The following DNAJC1 variants were observed in gnomAD, a reference collection of about 807,000 sequenced individuals.
DNAJC1 encodes the protein DnaJ heat shock protein family (Hsp40) member C1.
Under a neutral mutation model 76.6 loss-of-function variants are expected in DNAJC1, and 58 were observed. The observed-to-expected ratio is 0.76, with a 90% CI of 0.61 to 0.94. DNAJC1 has a LOEUF of 0.94. DNAJC1 is among the 40% of genes least tolerant of loss of function. The pLI is 0.00. For synonymous variants in DNAJC1, 258 were observed against 267.9 expected (o/e 0.96, Z 0.36); for missense variants, 689 against 677.3 (o/e 1.02, Z -0.19).
intron 8 of DNAJC1, among the ~76,000 whole-genome samples, chr10:21,818,228 C>T (rs996416559): frequency 2.0e-5 from 3 of 152,240 alleles, no homozygotes; most frequent in Admixed American, 6.5e-5. Flanking sequence ...TTAGGTGCAG[C>T]TGTCTTTTAT....
intron 8 of DNAJC1, among the ~76,000 whole-genome samples, chr10:21,808,976 T>C (rs902670861): frequency 7.2e-5 from 11 of 152,206 alleles, no homozygotes; most frequent in African/African-American, 2.7e-4. Flanking sequence ...TTATTAAATA[T>C]TGTAATGTAA....
chr10:21,761,649 C>T (rs1470336263), intron 10 of DNAJC1, among the ~76,000 whole-genome samples: 1 of 151,926 alleles, frequency 6.6e-6, no homozygotes, highest in Non-Finnish European at 1.5e-5. Flanking sequence ...CTGGTCTGCT[C>T]TGTAAGAGGC....
chr10:21,769,165 C>T (rs1025930425), intron 9 of DNAJC1, among the ~76,000 whole-genome samples: 8 of 152,172 alleles, frequency 5.3e-5, no homozygotes, highest in South Asian at 2.1e-4. Context: ...GGTATCTCAT[C>T]CCAGCTATTC....
At chr10:21,975,151 T>C (rs990426929) in intron 1 of DNAJC1, among the ~76,000 whole-genome samples, 2 of 152,116 alleles carry the variant, frequency 1.3e-5, no homozygotes, top group Admixed American at 1.3e-4. Context: ...AAGAGCTATT[T>C]AAATGTTACT....
chr10:21,832,336 T>C (rs1222937919), intron 8 of DNAJC1, among the ~76,000 whole-genome samples: 1 of 152,208 alleles, frequency 6.6e-6, no homozygotes, highest in Non-Finnish European at 1.5e-5. Context: ...GTTTTAGCCA[T>C]CAAATGTATG....
intron 8 of DNAJC1, among the ~76,000 whole-genome samples, chr10:21,837,996 GCTGGGAGGT>G (rs1180320477): frequency 1.7e-5 from 2 of 117,300 alleles, no homozygotes; most frequent in African/African-American, 6.6e-5. Flanking sequence ...AGCCGCCCCG[GCTGGGAGGT>G]GGGGGGCGTC....
At chr10:21,956,547 A>G (rs933297109) in intron 1 of DNAJC1, among the ~76,000 whole-genome samples, 1 of 151,230 alleles carries the variant, frequency 6.6e-6, no homozygotes, top group Non-Finnish European at 1.5e-5. Context: ...ACACATAAAT[A>G]CACATACATA....
chr10:21,759,753 T>A, intron 10 of DNAJC1, 135 bp from the exon 11 acceptor site: 1 of 721,534 alleles, frequency 1.4e-6, no homozygotes, highest in Non-Finnish European at 2.3e-6. Context: ...ATTTCCACAC[T>A]ACTCTATTCT....
chr10:21,918,416 T>C (rs1271409136), intron 6 of DNAJC1, among the ~76,000 whole-genome samples: 3 of 150,554 alleles, frequency 2.0e-5, no homozygotes, highest in African/African-American at 7.3e-5. Flanking sequence ...TTAAATGCTA[T>C]TAAAATAATG....
At chr10:22,002,181 A>C (rs1468256263) in intron 1 of DNAJC1, among the ~76,000 whole-genome samples, 1 of 152,234 alleles carries the variant, frequency 6.6e-6, no homozygotes, top group Non-Finnish European at 1.5e-5. Flanking sequence ...TTTCATATCT[A>C]GTCATGTGAA....
intron 1 of DNAJC1, among the ~76,000 whole-genome samples, chr10:21,959,160 G>A (rs1332964784): frequency 6.6e-6 from 1 of 151,810 alleles, no homozygotes; most frequent in Non-Finnish European, 1.5e-5. Context: ...AGTCTCGCTC[G>A]GTTACCTAGG....
chr10:21,885,519 C>A (rs1004378412), intron 7 of DNAJC1, among the ~76,000 whole-genome samples: 1 of 152,116 alleles, frequency 6.6e-6, no homozygotes, highest in Admixed American at 6.5e-5. Flanking sequence ...CTTTCTACCC[C>A]CAAACAACAG....
chr10:21,878,476 G>T (rs74120996), intron 8 of DNAJC1, among the ~76,000 whole-genome samples: 76 of 152,170 alleles, frequency 5.0e-4, no homozygotes, highest in African/African-American at 1.8e-3. Flanking sequence ...TCTGCAAATG[G>T]TGCCATGTAC....
chr10:22,003,164 C>A, intron 1 of DNAJC1, 49 bp downstream of exon 1: 1 of 1,441,292 alleles, frequency 6.9e-7, no homozygotes, highest in Non-Finnish European at 9.2e-7. Flanking sequence ...GGTCGCCTGA[C>A]GCCTGCCCTG....
chr10:21,997,920 G>C (rs1838445451), intron 1 of DNAJC1, among the ~76,000 whole-genome samples: 1 of 152,070 alleles, frequency 6.6e-6, no homozygotes, highest in Non-Finnish European at 1.5e-5. Flanking sequence ...TGACTGACTG[G>C]CACCATGAAG....
At chr10:21,777,414 G>A (rs1834466067) in intron 9 of DNAJC1, among the ~76,000 whole-genome samples, 1 of 152,178 alleles carries the variant, frequency 6.6e-6, no homozygotes, top group Admixed American at 6.5e-5. Flanking sequence ...TTCCATTAGA[G>A]CATAATGAGT....
At chr10:21,908,552 AC>A (rs1475540874) in intron 6 of DNAJC1, among the ~76,000 whole-genome samples, 1 of 150,774 alleles carries the variant, frequency 6.6e-6, no homozygotes, top group African/African-American at 2.4e-5. Context: ...AAAAATAAGC[AC>A]AAAAACTTAT....
At chr10:21,951,741 A>G (rs1415985847) in intron 1 of DNAJC1, among the ~76,000 whole-genome samples, 3 of 152,226 alleles carry the variant, frequency 2.0e-5, no homozygotes, top group African/African-American at 7.2e-5. Flanking sequence ...TAGTGGCATA[A>G]TAGTTCCTTA....
At chr10:21,857,456 C>A (rs1245358206) in intron 8 of DNAJC1, among the ~76,000 whole-genome samples, 1 of 152,030 alleles carries the variant, frequency 6.6e-6, no homozygotes, top group East Asian at 1.9e-4. Flanking sequence ...AAGACTTTAG[C>A]CTCCCTCATT....
Sources: allele counts gnomAD v4.1 joint callset (sites outside exome capture counted in the v4.1 genomes callset), GRCh38; gene constraint gnomAD v4.1.1; transcripts MANE v1.5; gene names NCBI Gene and HGNC (gene_info 2026-07-23, HGNC 2026-07-21).